The following DBF4 variants were observed in gnomAD, a reference collection of about 807,000 sequenced individuals.
DBF4 encodes the protein DBF4-CDC7 kinase regulatory subunit.
Under a neutral mutation model 76.6 loss-of-function variants are expected in DBF4, and 25 were observed. The observed-to-expected ratio is 0.33, with a 90% confidence interval of 0.24 to 0.46. The LOEUF is 0.46. DBF4 is among the 20% of genes least tolerant of loss of function. DBF4 has a pLI of 1.00. For missense variants in DBF4, 638 were observed against 760.8 expected (o/e 0.84, Z 1.90); for synonymous variants, 213 against 258.0 (o/e 0.83, Z 1.67).
At chr7:87,881,803 C>G (rs1839219969) in intron 2 of DBF4, among the ~76,000 whole-genome samples, 1 of 152,092 alleles carries the variant, frequency 6.6e-6, no homozygotes, top group African/African-American at 2.4e-5. Context: ...GTAGAAATTG[C>G]TATTAGAACA....
intron 8 of DBF4, 45 bp from the exon 9 acceptor site, chr7:87,900,175 CT>C (rs1294208662): frequency 2.0e-6 from 3 of 1,469,594 alleles, no homozygotes; most frequent in African/African-American, 2.9e-5. Context: ...AACCTTTTTT[CT>C]TTAATCATAA....
At position 87,907,583 on chromosome 7, in the gene DBF4, A is replaced by C. The variant is rs373255355; in HGVS notation, c.1445A>C (p.Tyr482Ser). Reference sequence around the variant, plus strand: ...TTAGAAGAACTAAGGGTAGATCACTATAAATGTAACATACAGGCATCTGTA... The same window carrying C: ...TTAGAAGAACTAAGGGTAGATCACTCTAAATGTAACATACAGGCATCTGTA... ...NDLEELRVDH[Y>S]KCNIQASVHV... Residue 482 changes from tyrosine (Y) to serine (S), a missense_variant, in exon 12 of 12, where the codon TAT (tyrosine) becomes TCT (serine). Physicochemically the swap from Tyr to Ser is moderately radical, Grantham distance 144. Coordinates refer to ENST00000265728, the MANE Select transcript of DBF4 (RefSeq NM_006716.4). 6.2e-7 allele frequency: 1 copy of C among 1,614,076 alleles called. No individual in the cohort carries two copies. The highest frequency in any genetic ancestry group is 1.3e-5 in the African/African-American group (1 of 75,044).
intron 2 of DBF4, among the ~76,000 whole-genome samples, chr7:87,881,134 C>G (rs1562756602): frequency 2.0e-5 from 3 of 152,184 alleles, no homozygotes; most frequent in Admixed American, 1.3e-4. Context: ...CAGCCAGGCT[C>G]GGAGGCTCAC....
At chr7:87,904,598 G>C (rs373584904) in intron 11 of DBF4, among the ~76,000 whole-genome samples, 182 bp downstream of exon 11, 6 of 151,878 alleles carry the variant, frequency 4.0e-5, no homozygotes, top group African/African-American at 1.5e-4. Context: ...AAAATTAGCC[G>C]GGTGTGGTGG....
chr7:87,888,440 A>C (rs920125128), intron 6 of DBF4: 12 of 589,472 alleles, frequency 2.0e-5, no homozygotes, highest in Non-Finnish European at 2.6e-5. Context: ...GGTATAACAA[A>C]ATCTCGTTTT....
At chr7:87,898,489 A>G (rs1423318314) in intron 8 of DBF4, among the ~76,000 whole-genome samples, 3 of 152,006 alleles carry the variant, frequency 2.0e-5, no homozygotes, top group Non-Finnish European at 4.4e-5. Context: ...ACCCAAGACA[A>G]TCATTAAAAA....
In DBF4 at chr7:87,908,555, A is replaced by G. The variant is rs1839965882; in HGVS notation, c.*392A>G. ...GGATAACATGACCTTGCCTTGAAAAACCTAAATTTCATACAGAAAGGAAAA... is the reference window on the plus strand; with the variant it reads ...GGATAACATGACCTTGCCTTGAAAAGCCTAAATTTCATACAGAAAGGAAAA... On this transcript the variant is annotated 3_prime_UTR_variant, in exon 12 of 12. Coordinates refer to ENST00000265728, the MANE Select transcript of DBF4 (RefSeq NM_006716.4). 6.5e-6 allele frequency: 1 copy of G among 154,438 alleles called. No individual in the cohort carries two copies. Among genetic ancestry groups the G allele is most frequent in the Non-Finnish European group, 1.4e-5 (1 of 69,536 alleles). The allele number at this position is 154,438 out of a possible 1,614,324, so 9.6% of individuals were successfully genotyped here.
chr7:87,906,876 T>C (rs2131080704), intron 11 of DBF4, among the ~76,000 whole-genome samples: 1 of 152,268 alleles, frequency 6.6e-6, no homozygotes, highest in Admixed American at 6.5e-5. Context: ...TCAATTTCTT[T>C]CATTTACATG....
At chr7:87,900,400 T>G in intron 9 of DBF4, 51 bp downstream of exon 9, 1 of 1,541,206 alleles carries the variant, frequency 6.5e-7, no homozygotes, top group Non-Finnish European at 8.7e-7. Context: ...TTCATCTCAA[T>G]TTTTCTTTGT....
Position 87,876,627 on chromosome 7 carries a change from G to C in DBF4, c.-106G>C. 1.6e-6 allele frequency: 2 copies of C among 1,276,890 alleles called. No homozygotes were observed. Among genetic ancestry groups the C allele is most frequent in the Non-Finnish European group, 2.2e-6 (2 of 895,538 alleles). The allele number at this position is 1,276,890 out of a possible 1,614,324, so 79.1% of individuals were successfully genotyped here. On this transcript the variant is annotated 5_prime_UTR_variant, in exon 1 of 12. Coordinates refer to ENST00000265728, the MANE Select transcript of DBF4 (RefSeq NM_006716.4). The stretch of plus-strand genomic sequence containing the variant: ...TGCGTAGAGGCCGTAGCTGGCGGAA[G>C]GAGAGAGGCGGCCGTCCTGTCAACA...
intron 3 of DBF4, 25 bp downstream of exon 3, chr7:87,885,183 G>C: frequency 6.4e-7 from 1 of 1,561,936 alleles, no homozygotes; most frequent in Non-Finnish European, 8.7e-7. Context: ...TATGCTTTGA[G>C]ACTCAGAAGG....
intron 2 of DBF4, among the ~76,000 whole-genome samples, chr7:87,882,216 G>A (rs896048434): frequency 6.6e-6 from 1 of 152,136 alleles, no homozygotes; most frequent in Non-Finnish European, 1.5e-5. Context: ...AGGGTGCCAA[G>A]ACCATTCATT....
chr7:87,893,201 G>A (rs1459900935), intron 6 of DBF4, among the ~76,000 whole-genome samples: 1 of 149,558 alleles, frequency 6.7e-6, no homozygotes, highest in Non-Finnish European at 1.5e-5. Context: ...GAGTCATTTT[G>A]AAGCCTGTTG....
At chr7:87,879,283 G>GT (rs1406586733) in intron 2 of DBF4, among the ~76,000 whole-genome samples, 4 of 152,130 alleles carry the variant, frequency 2.6e-5, no homozygotes, top group African/African-American at 9.7e-5. Context: ...AGAAGAACAT[G>GT]TGCTAACAGG....
intron 10 of DBF4, 152 bp from the exon 11 acceptor site, chr7:87,904,140 C>G: frequency 1.5e-6 from 1 of 671,620 alleles, no homozygotes; most frequent in Non-Finnish European, 2.2e-6. Flanking sequence ...TTATTTTAAA[C>G]GTCTTTTGAA....
chr7:87,884,697 A>G (rs1161546432), intron 2 of DBF4, among the ~76,000 whole-genome samples: 3 of 152,252 alleles, frequency 2.0e-5, no homozygotes, highest in African/African-American at 7.2e-5. Context: ...AATACAGTAT[A>G]AAAACCACCA....
rs750830125 is a variant in DBF4, at chr7:87,876,722, G to T, written c.-11G>T. 1.4e-5 allele frequency: 22 copies of T among 1,613,936 alleles called. No homozygotes were observed. The Middle Eastern group carries it at 2.0e-3, about 145-fold the overall frequency. ...TCTCCGGACCCAGCATGTAGGTGCC[G>T]GGCGACTGCCATGAACTCCGGAGCC... On this transcript the variant is annotated 5_prime_UTR_variant, in exon 1 of 12. Transcript: ENST00000265728.
chr7:87,907,339 G>A lies in DBF4; in HGVS notation c.1201G>A (p.Glu401Lys), dbSNP rs1243041666. 6.2e-7 allele frequency: 1 copy of A among 1,613,928 alleles called. No individual in the cohort carries two copies. Among genetic ancestry groups the A allele is most frequent in the South Asian group, 1.1e-5 (1 of 91,056 alleles). Reference protein sequence around the residue: ...TVKEQNFLYKETQETEKKLLF... With the variant: ...TVKEQNFLYKKTQETEKKLLF... ...GAAGGAGCAGAATTTCCTGTATAAA[G>A]AGACCCAGGAAACTGAAAAAAAGCT... Residue 401 changes from glutamate to lysine, a missense_variant, in exon 12 of 12, where the codon GAG becomes AAG. Physicochemically the swap from Glu to Lys is moderately conservative, Grantham distance 56. Coordinates refer to ENST00000265728, the MANE Select transcript of DBF4 (RefSeq NM_006716.4).
Position 87,907,429 on chromosome 7 carries a change from A to G in DBF4, c.1291A>G (p.Ser431Gly). The G allele has an allele frequency of 6.2e-7, 1 of 1,614,096 alleles. No individual in the cohort carries two copies. Among genetic ancestry groups the G allele is most frequent in the Non-Finnish European group, 8.5e-7 (1 of 1,179,976 alleles). The change falls in exon 12 of 12, where the codon AGT (serine) becomes GGT (glycine). Residue 431 changes from serine to glycine, a missense_variant. Physicochemically the swap from Ser to Gly is moderately conservative, Grantham distance 56. Transcript: ENST00000265728. ...NELRGLNEKM[S>G]NKCSMLSTAE... ...ATTGAGAGGGCTTAATGAGAAAATGAGTAATAAATGTTCCATGTTAAGTAC... is the reference window on the plus strand; with the variant it reads ...ATTGAGAGGGCTTAATGAGAAAATGGGTAATAAATGTTCCATGTTAAGTAC...
Sources: gnomAD v4.1 joint callset for allele counts (sites outside exome capture counted in the v4.1 genomes callset) on GRCh38, gnomAD v4.1.1 for gene constraint, MANE v1.5 for transcripts, NCBI Gene and HGNC (gene_info 2026-07-23, HGNC 2026-07-21) for gene names.